Variants in TMED3 observed in about 807,000 individuals in gnomAD.
The protein encoded by TMED3 is transmembrane emp24 domain-containing protein 3.
Under a neutral mutation model 15.0 loss-of-function variants are expected in TMED3, and 9 were observed. The ratio of observed to expected loss-of-function variants is 0.60; its 90% CI spans 0.36 to 1.04. TMED3 has a LOEUF of 1.04. Among genes scored for constraint, TMED3 ranks in the 50% least tolerant of loss-of-function variants. TMED3 has a pLI of 0.01. For synonymous variants in TMED3, 117 were observed against 121.4 expected (o/e 0.96, Z 0.24); for missense variants, 267 against 278.9 (o/e 0.96, Z 0.30).
intron 2 of TMED3, among the ~76,000 whole-genome samples, chr15:79,373,213 C>G (rs1893372621): frequency 6.6e-6 from 1 of 152,198 alleles, no homozygotes; most frequent in Admixed American, 6.5e-5. Flanking sequence ...AGGCTGTTAT[C>G]TCTTTTATTC....
chr15:79,333,511 G>A (rs1257214578), intron 2 of TMED3, among the ~76,000 whole-genome samples: 1 of 152,142 alleles, frequency 6.6e-6, no homozygotes, highest in Non-Finnish European at 1.5e-5. Context: ...ATAGTTTAAG[G>A]CTATTTTCCT....
intron 2 of TMED3, among the ~76,000 whole-genome samples, chr15:79,400,172 A>G (rs1241553576): frequency 6.6e-6 from 1 of 152,168 alleles, no homozygotes; most frequent in Non-Finnish European, 1.5e-5. Context: ...TGCCTGCACC[A>G]TTCTGCTGTC....
intron 2 of TMED3, among the ~76,000 whole-genome samples, chr15:79,321,286 A>C (rs2058765591): frequency 6.6e-6 from 1 of 152,214 alleles, no homozygotes; most frequent in African/African-American, 2.4e-5. Flanking sequence ...GGTGGTGGGA[A>C]GGACATTTTC....
chr15:79,393,051 T>C (rs1033117036), intron 2 of TMED3, among the ~76,000 whole-genome samples: 1 of 152,262 alleles, frequency 6.6e-6, no homozygotes, highest in Non-Finnish European at 1.5e-5. Context: ...GACTTAGCTC[T>C]CTGGCTTTTC....
chr15:79,360,843 T>A (rs1023999813), intron 2 of TMED3, among the ~76,000 whole-genome samples: 4 of 152,178 alleles, frequency 2.6e-5, no homozygotes, highest in African/African-American at 9.7e-5. Context: ...CCATGTAATT[T>A]ATTTTTTTAA....
chr15:79,395,251 C>A (rs1200328602), intron 2 of TMED3, among the ~76,000 whole-genome samples: 3 of 152,206 alleles, frequency 2.0e-5, no homozygotes, highest in East Asian at 1.9e-4. Context: ...ACGATCTCGG[C>A]CCACTGAAAC....
intron 2 of TMED3, among the ~76,000 whole-genome samples, chr15:79,380,581 TTATA>T (rs375808118): frequency 7.8e-5 from 8 of 102,894 alleles, no homozygotes; most frequent in East Asian, 2.5e-4. Flanking sequence ...ATATATAGTT[TTATA>T]TATATATATA....
chr15:79,365,516 A>G (rs1202831121), intron 2 of TMED3, among the ~76,000 whole-genome samples: 3 of 152,228 alleles, frequency 2.0e-5, no homozygotes, highest in South Asian at 2.1e-4. Context: ...GAGGGCTTCA[A>G]TATTTAAAAG....
chr15:79,391,352 A>G (rs1893692436), intron 2 of TMED3, among the ~76,000 whole-genome samples: 1 of 152,104 alleles, frequency 6.6e-6, no homozygotes, highest in Admixed American at 6.5e-5. Context: ...GGAGCAGGTT[A>G]TCTGATTTAT....
rs143340335 is a variant in TMED3 at position 79,331,473 on chromosome 15, A to G, written c.417+17468A>G. 2.0e-3 allele frequency among the ~76,000 whole-genome samples: 306 copies of G among 152,156 alleles called. 3 individuals carry two copies. The highest frequency in any genetic ancestry group is 7.1e-3 in the African/African-American group (294 of 41,496). The stretch of plus-strand genomic sequence containing the variant: ...AAACTATTAGAAGAAAACAAAGGAA[A>G]AACACTTCAGGACATTGGTCTGGGA... On this transcript the variant is annotated intron_variant, in intron 2 of 2. Coordinates refer to the TMED3 transcript ENST00000424155.
At chr15:79,346,019 T>C (rs1036606558) in intron 2 of TMED3, among the ~76,000 whole-genome samples, 5 of 152,198 alleles carry the variant, frequency 3.3e-5, no homozygotes, top group Admixed American at 2.0e-4. Flanking sequence ...TTCTTGTAAA[T>C]TTGTTTAAGT....
intron 2 of TMED3, among the ~76,000 whole-genome samples, chr15:79,316,435 A>G (rs1211858273): frequency 6.6e-6 from 1 of 152,208 alleles, no homozygotes; most frequent in East Asian, 1.9e-4. Context: ...TGATCTAGGA[A>G]GGATTAAAGG....
intron 2 of TMED3, among the ~76,000 whole-genome samples, chr15:79,380,354 A>G (rs1893500571): frequency 6.7e-6 from 1 of 150,100 alleles, no homozygotes. Flanking sequence ...TGTCTCAACT[A>G]TATATATATA....
At chr15:79,396,855 T>TAATAA (rs1893769139) in intron 2 of TMED3, among the ~76,000 whole-genome samples, 1 of 152,264 alleles carries the variant, frequency 6.6e-6, no homozygotes, top group Non-Finnish European at 1.5e-5. Context: ...ATTTATTACA[T>TAATAA]GTTGAAATAA....
chr15:79,314,947 G>A (rs1356379562), intron 2 of TMED3, among the ~76,000 whole-genome samples: 1 of 152,174 alleles, frequency 6.6e-6, no homozygotes, highest in Non-Finnish European at 1.5e-5. Context: ...ATAAGGTAGG[G>A]CACAGGAAGG....
At chr15:79,320,111 G>T (rs576753154) in intron 2 of TMED3, among the ~76,000 whole-genome samples, 1 of 152,286 alleles carries the variant, frequency 6.6e-6, no homozygotes, top group East Asian at 1.9e-4. Flanking sequence ...CCTTGACACT[G>T]ACGCTACCGC....
intron 2 of TMED3, among the ~76,000 whole-genome samples, chr15:79,375,418 G>C (rs1893407079): frequency 6.6e-6 from 1 of 152,158 alleles, no homozygotes; most frequent in African/African-American, 2.4e-5. Flanking sequence ...CTGTCATCTG[G>C]AGAGGTTAGA....
Position 79,405,031 on chromosome 15 carries a change from G to A in TMED3, c.418-6369G>A, listed in dbSNP as rs907920995. ...CTTGCAGGTTTGGGCTTCCCATGGA[G>A]GCCACCTCTGAATCTTCTTGGACCC... On this transcript the variant is annotated intron_variant, in intron 2 of 2. Transcript: ENST00000424155. Among the ~76,000 whole-genome samples, 50 of 152,292 alleles carry A rather than the reference G, an allele frequency of 3.3e-4. 1 individual carries two copies. The highest frequency in any genetic ancestry group is 6.8e-3 in the Middle Eastern group (2 of 294).
Position 79,366,132 on chromosome 15 carries a change from G to C in TMED3, c.418-45268G>C, listed in dbSNP as rs76103969. 7.9e-5 allele frequency among the ~76,000 whole-genome samples: 12 copies of C among 152,322 alleles called. No individual in the cohort carries two copies. The East Asian group carries it at 2.3e-3, about 29-fold the overall frequency. ...ATGACCCAGCACATAGGGCCCTCCT[G>C]TGTAGGTAATGTATATAGCTCACAA... On this transcript the variant is annotated intron_variant, in intron 2 of 2. Transcript: ENST00000424155.
Sources: allele counts gnomAD v4.1 joint callset (sites outside exome capture counted in the v4.1 genomes callset), GRCh38; gene constraint gnomAD v4.1.1; transcripts MANE v1.5; gene names NCBI Gene and HGNC (gene_info 2026-07-23, HGNC 2026-07-21).